The following SPAG16 variants were observed in gnomAD, a reference collection of about 807,000 sequenced individuals.
SPAG16 encodes sperm associated antigen 16, also known as sperm-associated antigen 16 protein.
Under a neutral mutation model 80.4 loss-of-function variants are expected in SPAG16, and 86 were observed. The observed-to-expected ratio is 1.07, with a 90% CI of 0.90 to 1.28. The LOEUF (loss-of-function observed/expected upper bound fraction) is 1.28. Among genes scored for constraint, SPAG16 ranks in the 50% most tolerant of loss-of-function variants. The pLI, the probability that SPAG16 is intolerant of heterozygous loss-of-function variation, is 0.00. For synonymous variants in SPAG16, 294 were observed against 265.9 expected, an observed-to-expected ratio of 1.11 and a Z score of -1.03; for missense variants, 870 against 765.3, an observed-to-expected ratio of 1.14 and a Z score of -1.61.
intron 10 of SPAG16, among the ~76,000 whole-genome samples, chr2:213,748,698 G>A (rs545879202): frequency 6.6e-6 from 1 of 152,144 alleles, no homozygotes; most frequent in Admixed American, 6.5e-5. Flanking sequence ...ATCAATACAT[G>A]TGATATAATT....
chr2:213,920,786 C>T (rs1006430011), intron 11 of SPAG16, among the ~76,000 whole-genome samples: 5 of 152,200 alleles, frequency 3.3e-5, no homozygotes, highest in African/African-American at 7.2e-5. Context: ...GGTAGCATGT[C>T]GAGCCTACAG....
intron 12 of SPAG16, among the ~76,000 whole-genome samples, chr2:213,939,029 C>G (rs1055356026): frequency 5.3e-5 from 8 of 152,138 alleles, no homozygotes; most frequent in Admixed American, 1.3e-4. Context: ...CATCTTCAGT[C>G]AAGGAACCAT....
At chr2:213,678,397 G>C (rs1454054996) in intron 10 of SPAG16, among the ~76,000 whole-genome samples, 1 of 152,038 alleles carries the variant, frequency 6.6e-6, no homozygotes, top group Non-Finnish European at 1.5e-5. Context: ...AAAAAAGAGA[G>C]AAGAATCAAA....
intron 15 of SPAG16, among the ~76,000 whole-genome samples, chr2:214,187,269 T>C (rs1405159868): frequency 6.6e-6 from 1 of 152,140 alleles, no homozygotes; most frequent in East Asian, 1.9e-4. Context: ...TAATCTCTTG[T>C]TTCAAATACT....
chr2:214,213,630 G>A (rs1476163315), intron 15 of SPAG16, among the ~76,000 whole-genome samples: 1 of 152,196 alleles, frequency 6.6e-6, no homozygotes, highest in East Asian at 1.9e-4. Context: ...CAGCTACCCA[G>A]TGTGGCAACC....
intron 13 of SPAG16, among the ~76,000 whole-genome samples, chr2:214,023,398 G>A (rs2047978999): frequency 8.2e-6 from 1 of 121,364 alleles, no homozygotes; most frequent in South Asian, 2.6e-4. Flanking sequence ...TGCTTCCTAA[G>A]GCATTCATTA....
At chr2:213,415,403 T>C (rs1048801466) in intron 9 of SPAG16, among the ~76,000 whole-genome samples, 1 of 152,190 alleles carries the variant, frequency 6.6e-6, no homozygotes, top group Non-Finnish European at 1.5e-5. Context: ...ACTTTGTGCC[T>C]GGAAATATCA....
At chr2:213,858,781 G>C (rs2075285935) in intron 10 of SPAG16, among the ~76,000 whole-genome samples, 1 of 152,146 alleles carries the variant, frequency 6.6e-6, no homozygotes, top group Non-Finnish European at 1.5e-5. Flanking sequence ...TCGAAGGTGA[G>C]CCCTAAGTAT....
At chr2:213,444,643 G>A (rs891219935) in intron 9 of SPAG16, among the ~76,000 whole-genome samples, 5 of 151,784 alleles carry the variant, frequency 3.3e-5, no homozygotes, top group African/African-American at 1.2e-4. Flanking sequence ...TCCATTTTTT[G>A]TTCCCTCTTT....
Position 213,310,162 on chromosome 2 carries a change from G to A in SPAG16, c.383G>A (p.Cys128Tyr). 1 of 1,602,918 alleles carries A rather than the reference G, an allele frequency of 6.2e-7. No homozygotes were observed. Among genetic ancestry groups the A allele is most frequent in the East Asian group, 2.2e-5 (1 of 44,632 alleles). ...IKMGMTRTLD[C>Y]FQSEWYELIQ... ...ATGGGAATGACCAGAACTCTTGATT[G>A]CTTTCAGTCTGAATGGTAAACAATT... Residue 128 changes from cysteine (C) to tyrosine (Y), a missense_variant, in exon 4 of 16, where the codon TGC becomes TAC. Transcript: ENST00000331683.
At chr2:213,592,636 G>T (rs1216990520) in intron 10 of SPAG16, among the ~76,000 whole-genome samples, 1 of 152,176 alleles carries the variant, frequency 6.6e-6, no homozygotes, top group South Asian at 2.1e-4. Context: ...GGACCTGTGG[G>T]AAGTCTCTCT....
intron 10 of SPAG16, among the ~76,000 whole-genome samples, chr2:213,792,493 TCTC>T (rs2070759566): frequency 6.6e-6 from 1 of 152,050 alleles, no homozygotes; most frequent in African/African-American, 2.4e-5. Flanking sequence ...GTAAACATGT[TCTC>T]CTCTCACTTC....
intron 10 of SPAG16, among the ~76,000 whole-genome samples, chr2:213,679,553 CTTTT>C (rs1256161302): frequency 6.6e-6 from 1 of 152,024 alleles, no homozygotes; most frequent in African/African-American, 2.4e-5. Context: ...CGTGGAGAAA[CTTTT>C]TTTCCCACTT....
chr2:213,923,006 G>A (rs568365164), intron 11 of SPAG16, among the ~76,000 whole-genome samples: 30 of 152,316 alleles, frequency 2.0e-4, no homozygotes, highest in Admixed American at 1.8e-3. Flanking sequence ...CTCTGGGTTG[G>A]AAGCTCTAGC....
intron 11 of SPAG16, among the ~76,000 whole-genome samples, chr2:213,898,977 C>T (rs1289189495): frequency 6.6e-6 from 1 of 152,004 alleles, no homozygotes; most frequent in Non-Finnish European, 1.5e-5. Flanking sequence ...GTATCTGTTG[C>T]CGCAGGGAAT....
At chr2:213,890,957 G>A (rs1409241027) in intron 11 of SPAG16, among the ~76,000 whole-genome samples, 1 of 151,876 alleles carries the variant, frequency 6.6e-6, no homozygotes, top group Non-Finnish European at 1.5e-5. Context: ...CTTAACACTT[G>A]ATTAATATTC....
rs141418929 is a variant in SPAG16 at position 214,057,833 on chromosome 2, C to T, written c.1527+43756C>T. On this transcript the variant is annotated intron_variant, in intron 13 of 15. Coordinates refer to ENST00000331683, the MANE Select transcript of SPAG16 (RefSeq NM_024532.5). ...GCTGCAACTTCTACATCAGCACTGGCGCTTCACCTTGCACTTTATGTTATG... is the reference window on the plus strand; with the variant it reads ...GCTGCAACTTCTACATCAGCACTGGTGCTTCACCTTGCACTTTATGTTATG... 1.4e-4 allele frequency among the ~76,000 whole-genome samples: 21 copies of T among 152,274 alleles called. No individual in the cohort carries two copies. In the East Asian group the frequency reaches 1.9e-3, roughly 14 times the overall value.
At chr2:213,921,497 T>G (rs2078222069) in intron 11 of SPAG16, among the ~76,000 whole-genome samples, 1 of 152,212 alleles carries the variant, frequency 6.6e-6, no homozygotes, top group African/African-American at 2.4e-5. Flanking sequence ...CTTGCCATTC[T>G]GTGTATTTTA....
intron 9 of SPAG16, among the ~76,000 whole-genome samples, chr2:213,427,419 T>G (rs2070007000): frequency 6.6e-6 from 1 of 152,214 alleles, no homozygotes; most frequent in Admixed American, 6.5e-5. Flanking sequence ...ATACTTTGCC[T>G]GTAAATTTAA....
Sources: gnomAD v4.1 joint callset for allele counts (sites outside exome capture counted in the v4.1 genomes callset) on GRCh38, gnomAD v4.1.1 for gene constraint, MANE v1.5 for transcripts, NCBI Gene and HGNC (gene_info 2026-07-23, HGNC 2026-07-21) for gene names.